The following RAD51B variants were observed in gnomAD, a reference collection of about 807,000 sequenced individuals.
The protein encoded by RAD51B is RAD51 paralog B.
In RAD51B, 38 loss-of-function variants were observed where a neutral mutation model predicts 42.2. The ratio of observed to expected loss-of-function variants is 0.90; its 90% CI spans 0.70 to 1.18. RAD51B has a LOEUF of 1.18. Ranked by LOEUF, RAD51B falls within the 50% of genes most tolerant of loss-of-function variation. The pLI, the probability that RAD51B is intolerant of heterozygous loss-of-function variation, is 0.00. For missense variants in RAD51B, 373 were observed against 400.7 expected, an observed-to-expected ratio of 0.93 and a Z score of 0.59; for synonymous variants, 154 against 145.2, an observed-to-expected ratio of 1.06 and a Z score of -0.43.
chr14:67,911,098 G>C lies in RAD51B; in HGVS notation c.756+23894G>C, dbSNP rs1368434840. 4.6e-5 allele frequency among the ~76,000 whole-genome samples: 7 copies of C among 152,188 alleles called. 1 individual carries two copies. The highest frequency in any genetic ancestry group is 3.9e-4 in the Admixed American group (6 of 15,272). On this transcript the variant is annotated intron_variant, in intron 7 of 10. Transcript: ENST00000471583. ...CTCCCAAAGTTCTAGGATTACAGATGTGAGCCACCGTGCCCAGCCCCAGTC... is the reference window on the plus strand; with the variant it reads ...CTCCCAAAGTTCTAGGATTACAGATCTGAGCCACCGTGCCCAGCCCCAGTC...
intron 10 of RAD51B, among the ~76,000 whole-genome samples, chr14:68,516,038 G>A (rs545079113): frequency 1.0e-3 from 152 of 152,114 alleles, no homozygotes; most frequent in Non-Finnish European, 1.8e-3. Flanking sequence ...GCCCACCTCG[G>A]CCTCCCAAAG....
chr14:68,509,278 G>A (rs1016241728), intron 10 of RAD51B, among the ~76,000 whole-genome samples: 1 of 152,230 alleles, frequency 6.6e-6, no homozygotes, highest in Admixed American at 6.5e-5. Context: ...TGTGGCACAC[G>A]TAAGGGAGCA....
intron 7 of RAD51B, among the ~76,000 whole-genome samples, chr14:68,166,074 A>T (rs964954537): frequency 3.1e-4 from 47 of 151,876 alleles, no homozygotes; most frequent in Non-Finnish European, 4.4e-4. Flanking sequence ...ATGATAGTAT[A>T]GGGGAGAGAG....
At chr14:68,109,235 G>T (rs2077423837) in intron 7 of RAD51B, among the ~76,000 whole-genome samples, 1 of 151,976 alleles carries the variant, frequency 6.6e-6, no homozygotes, top group African/African-American at 2.4e-5. Flanking sequence ...CAGAGCGTAA[G>T]AGTCTTGGGG....
chr14:68,195,544 A>G (rs866951877), intron 7 of RAD51B, among the ~76,000 whole-genome samples: 6 of 152,334 alleles, frequency 3.9e-5, no homozygotes, highest in African/African-American at 1.2e-4. Flanking sequence ...ATCTATAAGT[A>G]AATCCAAAAT....
At chr14:68,290,630 T>G (rs2081497591) in intron 7 of RAD51B, among the ~76,000 whole-genome samples, 1 of 152,318 alleles carries the variant, frequency 6.6e-6, no homozygotes, top group South Asian at 2.1e-4. Context: ...TGGACTTTTT[T>G]TTGTTAGAAT....
intron 7 of RAD51B, among the ~76,000 whole-genome samples, chr14:68,150,739 T>C (rs1446449570): frequency 6.6e-6 from 1 of 152,150 alleles, no homozygotes; most frequent in African/African-American, 2.4e-5. Flanking sequence ...TGTAACTCCT[T>C]GTGTAGTTAT....
intron 7 of RAD51B, among the ~76,000 whole-genome samples, chr14:68,090,698 T>A (rs953776050): frequency 4.7e-5 from 7 of 148,340 alleles, no homozygotes; most frequent in Non-Finnish European, 7.5e-5. Flanking sequence ...TTTATTTATT[T>A]ATTATTATTA....
chr14:68,468,415 G>T (rs748640317), intron 10 of RAD51B, 165 bp downstream of exon 10: 2 of 798,090 alleles, frequency 2.5e-6, no homozygotes, highest in Non-Finnish European at 4.4e-6. Flanking sequence ...GAGAGCGGCA[G>T]TTGTGGCAAG....
intron 7 of RAD51B, among the ~76,000 whole-genome samples, chr14:68,070,252 T>C (rs1438554368): frequency 6.6e-6 from 1 of 152,186 alleles, no homozygotes; most frequent in Non-Finnish European, 1.5e-5. Context: ...CTGTTTACAG[T>C]TTCTTGCCAT....
rs906182385 is a variant in RAD51B, at chr14:68,326,165, C to T, written c.853+34185C>T. Among the ~76,000 whole-genome samples the T allele has an allele frequency of 4.0e-5, 6 of 150,822 alleles. No individual in the cohort carries two copies. The South Asian group carries it at 8.4e-4, about 21-fold the overall frequency. The stretch of plus-strand genomic sequence containing the variant: ...AAGCAATTCTCCTGTCTCAGCCTCC[C>T]GAGTAGCTGGTATTACAGGCATGCA... On this transcript the variant is annotated intron_variant, in intron 8 of 10. Transcript: ENST00000471583.
intron 7 of RAD51B, among the ~76,000 whole-genome samples, chr14:68,272,661 A>ATTTTTTTTTTTTTTTTTT (rs1595638986): frequency 5.9e-5 from 1 of 16,864 alleles, no homozygotes; most frequent in Non-Finnish European, 1.0e-4. Flanking sequence ...ATATATATAT[A>ATTTTTTTTTTTTTTTTTT]TATATTTTTT....
intron 7 of RAD51B, among the ~76,000 whole-genome samples, chr14:68,129,604 TA>T (rs1398388936): frequency 6.6e-6 from 1 of 152,138 alleles, no homozygotes; most frequent in Non-Finnish European, 1.5e-5. Context: ...CTTGAAAGAA[TA>T]AAAGACTTGA....
intron 9 of RAD51B, among the ~76,000 whole-genome samples, chr14:68,451,448 C>T (rs1326616125): frequency 6.6e-6 from 1 of 152,150 alleles, no homozygotes; most frequent in Non-Finnish European, 1.5e-5. Flanking sequence ...CCTGGTTATA[C>T]CCTGACAGCA....
chr14:68,395,370 G>A (rs1350816885), intron 8 of RAD51B, among the ~76,000 whole-genome samples: 1 of 152,126 alleles, frequency 6.6e-6, no homozygotes, highest in African/African-American at 2.4e-5. Context: ...TGATTGTCTT[G>A]TGGAGGGGGT....
intron 4 of RAD51B, among the ~76,000 whole-genome samples, chr14:67,836,816 G>A (rs2041258277): frequency 6.6e-6 from 1 of 152,130 alleles, no homozygotes; most frequent in Non-Finnish European, 1.5e-5. Context: ...TAAAACCACT[G>A]CAGTTATTTT....
intron 7 of RAD51B, among the ~76,000 whole-genome samples, chr14:67,930,582 G>GT (rs1188408034): frequency 6.6e-6 from 1 of 152,098 alleles, no homozygotes; most frequent in Non-Finnish European, 1.5e-5. Flanking sequence ...AGGCTCCTTT[G>GT]TAGGTGACTA....
intron 4 of RAD51B, among the ~76,000 whole-genome samples, chr14:67,841,333 C>G (rs952231774): frequency 6.6e-6 from 1 of 152,152 alleles, no homozygotes; most frequent in African/African-American, 2.4e-5. Flanking sequence ...AGACCTTTGT[C>G]ACATGCCTAG....
intron 10 of RAD51B, 53 bp downstream of exon 10, chr14:68,468,303 T>C (rs2086036514): frequency 2.6e-6 from 4 of 1,520,604 alleles, no homozygotes; most frequent in Non-Finnish European, 3.7e-6. Flanking sequence ...GTGCTGCCCA[T>C]TGCTAGTGGT....
Sources: gnomAD v4.1 joint callset for allele counts (sites outside exome capture counted in the v4.1 genomes callset) on GRCh38, gnomAD v4.1.1 for gene constraint, MANE v1.5 for transcripts, NCBI Gene and HGNC (gene_info 2026-07-23, HGNC 2026-07-21) for gene names.